Variants in ANKDD1A observed in about 807,000 individuals in gnomAD.
ANKDD1A encodes ankyrin repeat and death domain-containing protein 1A.
Under a neutral mutation model 63.5 loss-of-function variants are expected in ANKDD1A, and 59 were observed. That is an observed-to-expected ratio of 0.93 (90% CI 0.75 to 1.15). The LOEUF (loss-of-function observed/expected upper bound fraction) is 1.15, where lower values mean the gene tolerates loss of function less well. ANKDD1A is among the 50% of genes most tolerant of loss of function. The pLI is 0.00. For missense variants in ANKDD1A, 632 were observed against 656.4 expected, an observed-to-expected ratio of 0.96 and a Z score of 0.41; for synonymous variants, 266 against 263.9, an observed-to-expected ratio of 1.01 and a Z score of -0.08.
In ANKDD1A at chr15:64,947,327, T is replaced by C. The variant is rs191899257; in HGVS notation, c.1162-77T>C. Reference sequence around the variant, plus strand: ...CCCAGCAGAGGTGGTAGGAGGGTCATAGGGGCCTCGGCTCGGCACTGCCCC... The same window carrying C: ...CCCAGCAGAGGTGGTAGGAGGGTCACAGGGGCCTCGGCTCGGCACTGCCCC... On this transcript the variant is annotated intron_variant, in intron 12 of 14. Transcript: ENST00000319580. 305 of 1,481,036 alleles carry C rather than the reference T, an allele frequency of 2.1e-4. 1 individual carries two copies. The Admixed American group carries it at 2.3e-3, about 11-fold the overall frequency. The allele number at this position is 1,481,036 out of a possible 1,614,324, so 91.7% of individuals were successfully genotyped here.
intron 9 of ANKDD1A, among the ~76,000 whole-genome samples, chr15:64,935,960 G>A (rs2085128598): frequency 6.6e-6 from 1 of 152,178 alleles, no homozygotes; most frequent in South Asian, 2.1e-4. Context: ...AGGCTTTGGT[G>A]TTAGGCCTGG....
rs570235224 is a variant in ANKDD1A, at chr15:64,921,175, A to G, written c.268-746A>G. Among the ~76,000 whole-genome samples the G allele has an allele frequency of 1.2e-3, 168 of 145,842 alleles. 1 individual carries two copies. Among genetic ancestry groups the G allele is most frequent in the African/African-American group, 3.8e-3 (158 of 41,040 alleles). Reference sequence around the variant, plus strand: ...TGTCTGTAGAGATGGGGGTCCCCCTATTTTGCCCAGTCTGGTTTCAAACTC... The same window carrying G: ...TGTCTGTAGAGATGGGGGTCCCCCTGTTTTGCCCAGTCTGGTTTCAAACTC... On this transcript the variant is annotated intron_variant, in intron 3 of 14. Transcript: ENST00000319580.
intron 3 of ANKDD1A, 128 bp from the exon 4 acceptor site, chr15:64,921,793 A>C (rs1595847262): frequency 2.8e-6 from 2 of 705,956 alleles, no homozygotes; most frequent in Non-Finnish European, 4.7e-6. Flanking sequence ...TAAAGCTTGG[A>C]GCTCCCTGGA....
Position 64,934,218 on chromosome 15 carries a change from CCAA to C in ANKDD1A, c.853_855del (p.Asn285del), listed in dbSNP as rs1428057810. On this transcript the variant is annotated inframe_deletion, in exon 9 of 15. Transcript: ENST00000319580. ...GTCCTCATCCACGCAGGAGGCTGCG[CCAA>C]CGTGGTTGATCATGTAAGTATGGTG... 6.2e-7 allele frequency: 1 copy of C among 1,611,770 alleles called. No individual in the cohort carries two copies. Among genetic ancestry groups the C allele is most frequent in the Admixed American group, 1.7e-5 (1 of 59,812 alleles).
rs1009458378 is a variant in ANKDD1A at position 64,955,856 on chromosome 15, G to A, written c.1484-1247G>A. On this transcript the variant is annotated intron_variant, in intron 14 of 14. Transcript: ENST00000319580. ...GTCCACAATATACTTTTATCCATTG[G>A]TCCAGCAATCCTACTCTAGGAATTT... Among the ~76,000 whole-genome samples the A allele has an allele frequency of 7.9e-5, 12 of 152,248 alleles. No homozygotes were observed. In the East Asian group the frequency reaches 2.3e-3, roughly 29 times the overall value.
chr15:64,916,315 G>A (rs2084968118), intron 2 of ANKDD1A, among the ~76,000 whole-genome samples: 1 of 151,896 alleles, frequency 6.6e-6, no homozygotes, highest in African/African-American at 2.4e-5. Context: ...GTGTGCAGGA[G>A]GGTCGGCTTT....
intron 1 of ANKDD1A, among the ~76,000 whole-genome samples, chr15:64,912,968 A>G (rs1165389635): frequency 6.6e-6 from 1 of 152,240 alleles, no homozygotes; most frequent in Non-Finnish European, 1.5e-5. Flanking sequence ...CAGCATGGGC[A>G]AAGGCTCAGG....
intron 1 of ANKDD1A, among the ~76,000 whole-genome samples, chr15:64,915,306 G>A (rs2084960925): frequency 6.6e-6 from 1 of 152,200 alleles, no homozygotes; most frequent in African/African-American, 2.4e-5. Context: ...GGAAGAAGGG[G>A]TGGAGGAACA....
intron 4 of ANKDD1A, among the ~76,000 whole-genome samples, chr15:64,922,717 C>T (rs1297792888): frequency 1.3e-5 from 2 of 152,196 alleles, no homozygotes; most frequent in African/African-American, 4.8e-5. Flanking sequence ...TCTCAGCTCA[C>T]TGCAACCTCC....
In ANKDD1A at chr15:64,958,470, CTG is replaced by C. The variant is rs2085440523; in HGVS notation, c.*1284_*1285del. 1 of 151,852 alleles carries C rather than the reference CTG, an allele frequency of 6.6e-6. No individual in the cohort carries two copies. The highest frequency in any genetic ancestry group is 1.5e-5 in the Non-Finnish European group (1 of 67,972). 9.4% of individuals were successfully genotyped at this position (151,852 alleles called of 1,614,324 possible). A position where few individuals can be genotyped will look rare whatever the true frequency, so the allele number is the denominator to read the frequency against. On this transcript the variant is annotated 3_prime_UTR_variant, in exon 15 of 15. Transcript: ENST00000319580. The stretch of plus-strand genomic sequence containing the variant: ...GCTCAATTTTTCTCTAAACCTAAAA[CTG>C]TTCTAAAATAGAAAGTCTGTGAAAA...
In ANKDD1A at chr15:64,942,385, C is replaced by T; in HGVS notation, c.868-82C>T. On this transcript the variant is annotated intron_variant, in intron 9 of 14. Coordinates refer to ENST00000319580, the MANE Select transcript of ANKDD1A (RefSeq NM_182703.6). ...AAACCCAGAAGCACTATACTCTTCC[C>T]TCCTCCTGTCCCCAGCACCAGCCTG... 2.7e-6 allele frequency: 3 copies of T among 1,101,132 alleles called. No homozygotes were observed. The South Asian group carries it at 4.7e-5, about 17-fold the overall frequency. The allele number at this position is 1,101,132 out of a possible 1,614,324, so 68.2% of individuals were successfully genotyped here. A position where few individuals can be genotyped will look rare whatever the true frequency, so the allele number is the denominator to read the frequency against.
In ANKDD1A at chr15:64,956,729, T is replaced by C. The variant is rs529195449; in HGVS notation, c.1484-374T>C. On this transcript the variant is annotated intron_variant, in intron 14 of 14. Coordinates refer to ENST00000319580, the MANE Select transcript of ANKDD1A (RefSeq NM_182703.6). ...CACCATCATGCCCGGCTAATTTTTGTATTTTTAGTAGACAGGTTTCACCAT... is the reference window on the plus strand; with the variant it reads ...CACCATCATGCCCGGCTAATTTTTGCATTTTTAGTAGACAGGTTTCACCAT... Among the ~76,000 whole-genome samples the C allele has an allele frequency of 9.2e-5, 14 of 152,250 alleles. No individual in the cohort carries two copies. In the East Asian group the frequency reaches 2.7e-3, roughly 30 times the overall value.
In ANKDD1A at chr15:64,949,892, A is replaced by G. The variant is rs1390304522; in HGVS notation, c.1403A>G (p.His468Arg). ...HGHRMLLIWL[H>R]GVATAGENPS... is the part of the protein sequence containing the mutation. ...CACCGAATGCTGCTCATTTGGCTGC[A>G]TGGCGTGGCCACGGCTGGTGAGAAC... The change falls in exon 14 of 15, where the codon CAT becomes CGT. Residue 468 changes from histidine (H) to arginine (R), a missense_variant. His to Arg is a conservative substitution (Grantham distance 29). Transcript: ENST00000319580. The G allele has an allele frequency of 1.2e-6, 2 of 1,606,568 alleles. No individual in the cohort carries two copies. The highest frequency in any genetic ancestry group is 8.5e-7 in the Non-Finnish European group (1 of 1,179,978).
At chr15:64,954,926 TTCTCCTTCTTCTTGTCTCTTCTTCTC>T (rs1315137457) in intron 14 of ANKDD1A, among the ~76,000 whole-genome samples, 7 of 31,586 alleles carry the variant, frequency 2.2e-4, no homozygotes, top group Admixed American at 1.1e-3. Flanking sequence ...TCTCTCCTTC[TTCTCCTTCTTCTTGTCTCTTCTTCTC>T]TCTCCTTCTT....
chr15:64,945,753 C>T (rs1348276377), intron 12 of ANKDD1A, among the ~76,000 whole-genome samples: 3 of 150,930 alleles, frequency 2.0e-5, no homozygotes, highest in African/African-American at 7.3e-5. Flanking sequence ...CTGTCTTAGC[C>T]TCCCAAGTAG....
intron 1 of ANKDD1A, 71 bp from the exon 2 acceptor site, chr15:64,915,726 G>A: frequency 7.4e-7 from 1 of 1,347,718 alleles, no homozygotes; most frequent in South Asian, 1.2e-5. Flanking sequence ...GTGGAAATGG[G>A]TTGTTTACCT....
chr15:64,925,016 C>T (rs557858283), intron 4 of ANKDD1A, among the ~76,000 whole-genome samples: 4 of 151,838 alleles, frequency 2.6e-5, no homozygotes, highest in Admixed American at 6.6e-5. Flanking sequence ...TGCCTGAGTT[C>T]GGGAGTTCGA....
At chr15:64,937,690 T>C (rs1210153449) in intron 9 of ANKDD1A, among the ~76,000 whole-genome samples, 1 of 152,156 alleles carries the variant, frequency 6.6e-6, no homozygotes, top group Non-Finnish European at 1.5e-5. Context: ...ATTGTGCCAC[T>C]GTACTCCAGC....
chr15:64,952,112 CTTCTTTCTTCTCT>C (rs1191098177), intron 14 of ANKDD1A, among the ~76,000 whole-genome samples: 8 of 21,968 alleles, frequency 3.6e-4, no homozygotes, highest in African/African-American at 5.2e-4. Flanking sequence ...TTCTTTTCTT[CTTCTTTCTTCTCT>C]TTCTTCTTCT....
Sources: gnomAD v4.1 joint callset for allele counts (sites outside exome capture counted in the v4.1 genomes callset) on GRCh38, gnomAD v4.1.1 for gene constraint, MANE v1.5 for transcripts, NCBI Gene and HGNC (gene_info 2026-07-23, HGNC 2026-07-21) for gene names.